The following ATM variants were observed in gnomAD, a reference collection of about 807,000 sequenced individuals.
The protein encoded by ATM is ATM serine/threonine kinase, also known as serine-protein kinase ATM.
In ATM, 308 loss-of-function variants were observed where a neutral mutation model predicts 387.0. The ratio of observed to expected loss-of-function variants is 0.80; its 90% CI spans 0.73 to 0.87. The LOEUF (loss-of-function observed/expected upper bound fraction) is 0.87, where lower values mean the gene tolerates loss of function less well. Ranked by LOEUF, ATM falls within the 40% of genes least tolerant of loss-of-function variation. The pLI is 0.00. For missense variants in ATM, 3,312 were observed against 3,560.9 expected, an observed-to-expected ratio of 0.93 and a Z score of 1.78; for synonymous variants, 1,156 against 1,187.3, an observed-to-expected ratio of 0.97 and a Z score of 0.54.
chr11:108,245,978 C>T (rs1397593464), intron 7 of ATM, among the ~76,000 whole-genome samples: 1 of 152,002 alleles, frequency 6.6e-6, no homozygotes, highest in Non-Finnish European at 1.5e-5. Context: ...ATGCCTGGCA[C>T]CATGCCCAGC....
At chr11:108,317,579 CTG>C in intron 43 of ATM, 58 bp downstream of exon 43, 1 of 1,438,296 alleles carries the variant, frequency 7.0e-7, no homozygotes, top group East Asian at 2.8e-5. Flanking sequence ...TAAACAACAA[CTG>C]TTTTTCTCTT....
chr11:108,319,896 C>A, intron 43 of ATM, 58 bp from the exon 44 acceptor site: 1 of 1,209,024 alleles, frequency 8.3e-7, no homozygotes. Context: ...GCTATTTATA[C>A]ATGTATATCT....
chr11:108,358,803 C>T lies in ATM; in HGVS notation c.8850+3929C>T, dbSNP rs890035625. ...AAGAGCTCCTGAAGGAAGCACTAAACATGGAAAGGAACAACCGGTACCAGC... is the reference window on the plus strand; with the variant it reads ...AAGAGCTCCTGAAGGAAGCACTAAATATGGAAAGGAACAACCGGTACCAGC... On this transcript the variant is annotated intron_variant, in intron 61 of 62. Transcript: ENST00000675843. Among the ~76,000 whole-genome samples the T allele has an allele frequency of 5.7e-3, 851 of 149,432 alleles. 2 individuals carry two copies. Among genetic ancestry groups the T allele is most frequent in the Non-Finnish European group, 9.0e-3 (603 of 66,790 alleles).
At chr11:108,336,284 G>A (rs925232167) in intron 56 of ATM, 1 of 260,822 alleles carries the variant, frequency 3.8e-6, no homozygotes, top group Middle Eastern at 1.4e-3. Context: ...AGTCCAGCCT[G>A]AGCAACACAG....
chr11:108,322,373 C>T (rs755326533), intron 45 of ATM, among the ~76,000 whole-genome samples: 4 of 152,136 alleles, frequency 2.6e-5, no homozygotes, highest in African/African-American at 4.8e-5. Flanking sequence ...AGCCTGGCCT[C>T]GAACTCCTGA....
At chr11:108,287,752 T>C in intron 27 of ATM, 37 bp downstream of exon 27, 1 of 1,420,816 alleles carries the variant, frequency 7.0e-7, no homozygotes, top group Admixed American at 1.7e-5. Context: ...TAGCTCTAAC[T>C]TCACAAGTTT....
intron 22 of ATM, among the ~76,000 whole-genome samples, chr11:108,274,670 T>C (rs1057499139): frequency 1.4e-4 from 21 of 152,210 alleles, no homozygotes; most frequent in African/African-American, 4.6e-4. Flanking sequence ...TCCATGTAGT[T>C]GTGTGGTTTT....
In ATM at chr11:108,289,047, A is replaced by G; in HGVS notation, c.4180A>G (p.Ser1394Gly). 1 of 1,612,922 alleles carries G rather than the reference A, an allele frequency of 6.2e-7. No homozygotes were observed. Among genetic ancestry groups the G allele is most frequent in the Non-Finnish European group, 8.5e-7 (1 of 1,179,086 alleles). The change falls in exon 28 of 63, where the codon AGC becomes GGC. Residue 1394 changes from serine (S) to glycine (G), a missense_variant. Ser to Gly is a moderately conservative substitution (Grantham distance 56). This residue lies in a region of ATM where 1,791 missense variants were observed against 1,804.5 expected (regional missense o/e 0.99). Coordinates refer to ENST00000675843, the MANE Select transcript of ATM (RefSeq NM_000051.4). ...HVIKATFAYI[S>G]NCHKTKLKSI... ...GATTAAAGCAACATTTGCCTATATC[A>G]GCAATTGTCATAAAACCAAGTTAAA...
At chr11:108,352,571 TAAC>T (rs1443799473) in intron 59 of ATM, among the ~76,000 whole-genome samples, 2 of 152,096 alleles carry the variant, frequency 1.3e-5, no homozygotes, top group African/African-American at 4.8e-5. Flanking sequence ...TCTCAAAACT[TAAC>T]AACAAAATCT....
intron 59 of ATM, among the ~76,000 whole-genome samples, chr11:108,352,709 C>T (rs1286025647): frequency 6.6e-6 from 1 of 152,178 alleles, no homozygotes; most frequent in Non-Finnish European, 1.5e-5. Context: ...CATCCATGCC[C>T]TGAAATACTA....
rs894871243 is a variant in ATM at position 108,243,934 on chromosome 11, A to T, written c.497-19A>T. The T allele has an allele frequency of 1.4e-5, 17 of 1,201,002 alleles. No individual in the cohort carries two copies. The highest frequency in any genetic ancestry group is 5.9e-5 in the East Asian group (2 of 34,160). 74.4% of individuals were successfully genotyped at this position (1,201,002 alleles called of 1,614,324 possible). On this transcript the variant is annotated intron_variant, in intron 5 of 62. Coordinates refer to ENST00000675843, the MANE Select transcript of ATM (RefSeq NM_000051.4). ...GATTTTTAAAAAATCATGACTAATA[A>T]TTTTTTTTTTTTTTTAAGAATTGTT...
At chr11:108,298,521 C>T (rs2083242092) in intron 33 of ATM, among the ~76,000 whole-genome samples, 1 of 152,148 alleles carries the variant, frequency 6.6e-6, no homozygotes, top group South Asian at 2.1e-4. Context: ...TCCATAGTGG[C>T]ACTGCTTTTA....
chr11:108,255,219 G>T (rs1038002673), intron 13 of ATM, among the ~76,000 whole-genome samples: 6 of 152,094 alleles, frequency 3.9e-5, no homozygotes, highest in Non-Finnish European at 8.8e-5. Flanking sequence ...ATGACTTGAG[G>T]ACATGAGAGG....
At position 108,326,116 on chromosome 11, in the gene ATM, C is replaced by T. The variant is rs1555119833; in HGVS notation, c.6866C>T (p.Ser2289Phe). The T allele has an allele frequency of 6.2e-7, 1 of 1,614,124 alleles. No individual in the cohort carries two copies. The highest frequency in any genetic ancestry group is 8.5e-7 in the Non-Finnish European group (1 of 1,180,006). ...TACAATTCAGTTAGCTGTGGAGTCT[C>T]TGAGTGGCAGCTGGAAGAAGCACAA... The part of the protein sequence containing the change: ...KQYNSVSCGV[S>F]EWQLEEAQVF... The change falls in exon 47 of 63, where the codon TCT becomes TTT. Residue 2289 changes from serine (S) to phenylalanine (F), a missense_variant. Ser to Phe is a radical substitution (Grantham distance 155). This residue lies in a region of ATM where 1,405 missense variants were observed against 1,604.4 expected (regional missense o/e 0.88). Transcript: ENST00000675843.
At chr11:108,363,141 C>A (rs930744164) in intron 61 of ATM, among the ~76,000 whole-genome samples, 5 of 152,058 alleles carry the variant, frequency 3.3e-5, no homozygotes, top group African/African-American at 1.2e-4. Flanking sequence ...ACAGTAAGAC[C>A]CTTTCTGCCT....
chr11:108,328,314 T>A (rs1375696937), intron 48 of ATM, among the ~76,000 whole-genome samples: 1 of 152,224 alleles, frequency 6.6e-6, no homozygotes, highest in Non-Finnish European at 1.5e-5. Context: ...TGGCGCAATC[T>A]CGGCTCACTG....
chr11:108,362,392 G>A (rs1042486302), intron 61 of ATM, among the ~76,000 whole-genome samples: 3,640 of 151,866 alleles, frequency 0.024, 141 homozygotes, highest in African/African-American at 0.083. Flanking sequence ...TCAGTGTGGC[G>A]ATTCCTCAGG....
rs879254034 is a variant in ATM, at chr11:108,287,716, G to T, written c.4109+1G>T. Reference sequence around the variant, plus strand: ...GCACTGACCTCTGTGACTTTTCAGGGTATGTACATTTTAAACTTAGAGAAC... The same window carrying T: ...GCACTGACCTCTGTGACTTTTCAGGTTATGTACATTTTAAACTTAGAGAAC... On this transcript the variant is annotated splice_donor_variant, in intron 27 of 62. Coordinates refer to ENST00000675843, the MANE Select transcript of ATM (RefSeq NM_000051.4). LOFTEE classifies it high-confidence loss of function. The T allele has an allele frequency of 6.2e-7, 1 of 1,606,372 alleles. No homozygotes were observed. The highest frequency in any genetic ancestry group is 1.1e-5 in the South Asian group (1 of 90,902).
intron 13 of ATM, among the ~76,000 whole-genome samples, chr11:108,255,521 G>A (rs548004209): frequency 6.7e-6 from 1 of 149,264 alleles, no homozygotes; most frequent in East Asian, 2.0e-4. Flanking sequence ...CGCCTCCTGG[G>A]TTCAAGCAAT....
Sources: gnomAD v4.1 joint callset for allele counts (sites outside exome capture counted in the v4.1 genomes callset) on GRCh38, gnomAD v4.1.1 for gene constraint, gnomAD v4.1.1 regional missense constraint, MANE v1.5 for transcripts, NCBI Gene and HGNC (gene_info 2026-07-23, HGNC 2026-07-21) for gene names.